Variants in RBPJ observed in about 807,000 individuals in gnomAD.
RBPJ encodes recombination signal binding protein for immunoglobulin kappa J region.
In RBPJ, 9 loss-of-function variants were observed where a neutral mutation model predicts 67.8. The observed-to-expected ratio is 0.13, with a 90% CI of 0.08 to 0.23. The LOEUF (loss-of-function observed/expected upper bound fraction) is 0.23. Ranked by LOEUF, RBPJ falls within the 10% of genes least tolerant of loss-of-function variation. The probability of loss-of-function intolerance (pLI) is 1.00; values close to 1 mark genes in which losing one functional copy is unlikely to be tolerated. For missense variants in RBPJ, 305 were observed against 595.6 expected, an observed-to-expected ratio of 0.51 and a Z score of 5.08; for synonymous variants, 198 against 203.3, an observed-to-expected ratio of 0.97 and a Z score of 0.22.
chr4:26,376,364 G>A (rs537170579), intron 1 of RBPJ, among the ~76,000 whole-genome samples: 1 of 152,246 alleles, frequency 6.6e-6, no homozygotes, highest in East Asian at 1.9e-4. Context: ...CCTCATATAA[G>A]TGGAATCATA....
chr4:26,394,659 A>G (rs866768145), intron 2 of RBPJ, among the ~76,000 whole-genome samples: 2 of 152,104 alleles, frequency 1.3e-5, no homozygotes, highest in South Asian at 4.1e-4. Flanking sequence ...CCTGTTTCTT[A>G]GATAAGAGTA....
intron 5 of RBPJ, among the ~76,000 whole-genome samples, chr4:26,421,242 G>A (rs554775276): frequency 6.6e-6 from 1 of 151,898 alleles, no homozygotes; most frequent in East Asian, 1.9e-4. Flanking sequence ...AAACAAGTAT[G>A]TTTGAATTAT....
At chr4:26,144,267 C>CTTTTTTTTTT in the RBPJ span, among the ~76,000 whole-genome samples, 1 of 106,062 alleles carries the variant, frequency 9.4e-6, no homozygotes, top group Non-Finnish European at 1.7e-5. Flanking sequence ...TAAGAAAATT[C>CTTTTTTTTTT]TTTTTTTTTT....
intron 1 of RBPJ, among the ~76,000 whole-genome samples, chr4:26,356,226 G>A (rs1727358092): frequency 6.6e-6 from 1 of 152,206 alleles, no homozygotes; most frequent in Non-Finnish European, 1.5e-5. Context: ...TGTGTCACTG[G>A]CAGCTGTGAG....
upstream of RBPJ, chr4:26,319,614 C>G: frequency 1.7e-6 from 1 of 580,214 alleles, no homozygotes. Context: ...GGCACGTTCT[C>G]GCGAGGTTTA....
intron 7 of RBPJ, among the ~76,000 whole-genome samples, chr4:26,426,946 G>T (rs968297626): frequency 2.6e-5 from 4 of 152,164 alleles, no homozygotes; most frequent in African/African-American, 9.7e-5. Flanking sequence ...TATTATCTCT[G>T]CATGTTAGAA....
At chr4:26,109,450 CTCTCTCTCTCTATATATA>C in the RBPJ span, among the ~76,000 whole-genome samples, 2 of 24,960 alleles carry the variant, frequency 8.0e-5, no homozygotes, top group East Asian at 5.1e-4. Flanking sequence ...CTCTCTCTCT[CTCTCTCTCTCTATATATA>C]TATATATATA....
At chr4:26,420,205 A>G (rs1204694875) in intron 4 of RBPJ, among the ~76,000 whole-genome samples, 1 of 151,970 alleles carries the variant, frequency 6.6e-6, no homozygotes, top group Non-Finnish European at 1.5e-5. Flanking sequence ...ATTTTTTTTA[A>G]CTGTAAAATT....
chr4:26,334,474 TA>T (rs1379105191), intron 1 of RBPJ, among the ~76,000 whole-genome samples: 6 of 152,186 alleles, frequency 3.9e-5, no homozygotes, highest in African/African-American at 1.4e-4. Context: ...CATTGCAACT[TA>T]AGTTTTCCCT....
In RBPJ at chr4:26,264,077, A is replaced by C. The variant is rs529877410; in HGVS notation, c.-166-98369A>C. Among the ~76,000 whole-genome samples, 49 of 150,380 alleles carry C rather than the reference A, an allele frequency of 3.3e-4. No individual in the cohort carries two copies. In the East Asian group the frequency reaches 9.4e-3, roughly 29 times the overall value. ...TTTTTAGTAGAGACGGGGTTTCACT[A>C]TGTTGGCCAGGCTGCAGGCTGGTCT... On this transcript the variant is annotated intron_variant, in intron 1 of 4. Transcript: ENST00000512351. The surrounding 1 kb of genome is among the most constrained non-coding windows in gnomAD (Gnocchi z 4.1).
intron 1 of RBPJ, among the ~76,000 whole-genome samples, chr4:26,335,852 T>G (rs1724772472): frequency 6.6e-6 from 1 of 151,718 alleles, no homozygotes; most frequent in Non-Finnish European, 1.5e-5. Context: ...CTCGAACTTC[T>G]GACCTTGTGA....
chr4:26,125,798 C>CA, the RBPJ span, among the ~76,000 whole-genome samples: 426 of 138,570 alleles, frequency 3.1e-3, 2 homozygotes, highest in East Asian at 0.012. Context: ...GACTCCATTT[C>CA]AAAAAAAAAA....
At chr4:26,328,288 A>T (rs563530507) in intron 1 of RBPJ, among the ~76,000 whole-genome samples, 104 of 152,304 alleles carry the variant, frequency 6.8e-4, no homozygotes, top group Non-Finnish European at 1.2e-3. Context: ...CTCTCCTTTT[A>T]GTATTGTTTT....
At chr4:26,305,942 G>A (rs1722224068) in intron 1 of RBPJ, among the ~76,000 whole-genome samples, 3 of 151,228 alleles carry the variant, frequency 2.0e-5, no homozygotes, top group Non-Finnish European at 2.9e-5. Flanking sequence ...ACTGCCCTTG[G>A]CTAATTTTTT....
intron 1 of RBPJ, among the ~76,000 whole-genome samples, chr4:26,286,285 C>G (rs1577389725): frequency 6.6e-6 from 1 of 151,994 alleles, no homozygotes; most frequent in South Asian, 2.1e-4. Flanking sequence ...TTGAGAGCAG[C>G]CAGGGCAACA....
At chr4:26,109,668 C>A in the RBPJ span, among the ~76,000 whole-genome samples, 4,817 of 32,754 alleles carry the variant, frequency 0.15, 1,030 homozygotes, top group East Asian at 0.51. Flanking sequence ...CTCTCTCTCT[C>A]TATATATATA....
At chr4:26,250,126 C>T (rs973706381) in intron 1 of RBPJ, among the ~76,000 whole-genome samples, 1 of 151,742 alleles carries the variant, frequency 6.6e-6, no homozygotes, top group Non-Finnish European at 1.5e-5. Context: ...ACTCTGTACC[C>T]ATTAAGCAAT....
At chr4:26,218,098 T>A (rs181722990) in intron 1 of RBPJ, among the ~76,000 whole-genome samples, 13 of 152,324 alleles carry the variant, frequency 8.5e-5, no homozygotes, top group Non-Finnish European at 5.9e-5. Context: ...CCACTTCACA[T>A]TGTTTCTCAT....
At chr4:26,391,330 G>T (rs1731479915) in intron 2 of RBPJ, among the ~76,000 whole-genome samples, 1 of 152,194 alleles carries the variant, frequency 6.6e-6, no homozygotes, top group African/African-American at 2.4e-5. Context: ...GCCAGAAATA[G>T]TTCTTCAGAT....
Sources: gnomAD v4.1 joint callset for allele counts (sites outside exome capture counted in the v4.1 genomes callset) on GRCh38, gnomAD v4.1.1 for gene constraint, Gnocchi (gnomAD v3.1) non-coding constraint, MANE v1.5 for transcripts, NCBI Gene and HGNC (gene_info 2026-07-23, HGNC 2026-07-21) for gene names.